Variants in ARIH2 observed in about 807,000 individuals in gnomAD.
ARIH2 encodes the protein ariadne RBR E3 ubiquitin protein ligase 2, also known as E3 ubiquitin-protein ligase ARIH2.
ARIH2 carries 12 observed loss-of-function variants against 79.8 expected under a neutral mutation model. The ratio of observed to expected loss-of-function variants is 0.15; its 90% CI spans 0.10 to 0.24. The LOEUF (loss-of-function observed/expected upper bound fraction) is 0.24, where lower values mean the gene tolerates loss of function less well. Among genes scored for constraint, ARIH2 ranks in the 10% least tolerant of loss-of-function variants. The pLI, the probability that ARIH2 is intolerant of heterozygous loss-of-function variation, is 1.00. For missense variants in ARIH2, 301 were observed against 618.3 expected (o/e 0.49, Z 5.44); for synonymous variants, 224 against 213.9 (o/e 1.05, Z -0.41).
chr3:48,947,914 G>A (rs1348862044), intron 3 of ARIH2, among the ~76,000 whole-genome samples: 1 of 152,076 alleles, frequency 6.6e-6, no homozygotes, highest in African/African-American at 2.4e-5. Context: ...AGTTTTACAT[G>A]CCATTAAACT....
intron 2 of ARIH2, among the ~76,000 whole-genome samples, chr3:48,923,017 C>G (rs2085024766): frequency 1.3e-5 from 2 of 152,042 alleles, no homozygotes; most frequent in Non-Finnish European, 2.9e-5. Context: ...ACCATCCCGG[C>G]TAAAACGGTG....
intron 14 of ARIH2, among the ~76,000 whole-genome samples, 189 bp downstream of exon 14, chr3:48,981,917 T>C (rs2092765195): frequency 1.3e-5 from 2 of 152,178 alleles, no homozygotes; most frequent in Admixed American, 1.3e-4. Context: ...TATTATTTTG[T>C]GTCATATAAG....
chr3:48,951,986 T>C (rs559883617), intron 3 of ARIH2, among the ~76,000 whole-genome samples: 1 of 152,294 alleles, frequency 6.6e-6, no homozygotes, highest in East Asian at 1.9e-4. Context: ...CTTTTTTAGC[T>C]GTAATACACG....
intron 1 of ARIH2, 146 bp downstream of exon 1, chr3:48,919,144 G>C: frequency 1.5e-6 from 2 of 1,304,152 alleles, no homozygotes; most frequent in Non-Finnish European, 1.9e-6. Context: ...CACGTTGTCC[G>C]AGCATTACCC....
At position 48,927,339 on chromosome 3, in the gene ARIH2, C is replaced by A. The variant is rs6787804; in HGVS notation, c.-97-123C>A. 2,349 of 531,224 alleles carry A rather than the reference C, an allele frequency of 4.4e-3. 39 individuals are homozygous for A. Among genetic ancestry groups the A allele is most frequent in the African/African-American group, 0.039 (2,060 of 52,656 alleles). The allele number at this position is 531,224 out of a possible 1,614,324, so 32.9% of individuals were successfully genotyped here. On this transcript the variant is annotated intron_variant, in intron 2 of 15. Transcript: ENST00000356401. ...TGATAGTAAGATTCCCCATGTGATA[C>A]CAGAGTTGGAATAGGCTGTAGTGAG...
At chr3:48,966,050 A>T (rs1373631337) in intron 5 of ARIH2, among the ~76,000 whole-genome samples, 1 of 152,174 alleles carries the variant, frequency 6.6e-6, no homozygotes, top group Non-Finnish European at 1.5e-5. Flanking sequence ...ATAAACTTTT[A>T]CATGTGTGTT....
intron 3 of ARIH2, among the ~76,000 whole-genome samples, chr3:48,933,422 C>G (rs1474217078): frequency 6.6e-6 from 1 of 151,964 alleles, no homozygotes; most frequent in Non-Finnish European, 1.5e-5. Context: ...TTCAGCCTCC[C>G]AAAGTGCTGG....
chr3:48,953,092 G>T (rs2090153488), intron 3 of ARIH2, among the ~76,000 whole-genome samples: 1 of 151,998 alleles, frequency 6.6e-6, no homozygotes, highest in Admixed American at 6.6e-5. Flanking sequence ...ACTATGCCCG[G>T]CTAATTTTTA....
chr3:48,956,915 C>T (rs1445949077), intron 3 of ARIH2, among the ~76,000 whole-genome samples: 1 of 151,998 alleles, frequency 6.6e-6, no homozygotes, highest in African/African-American at 2.4e-5. Context: ...CCATGTTGGC[C>T]ACAACTTAGC....
chr3:48,948,369 A>G (rs2089497455), intron 3 of ARIH2, among the ~76,000 whole-genome samples: 1 of 151,304 alleles, frequency 6.6e-6, no homozygotes, highest in Non-Finnish European at 1.5e-5. Context: ...CCCAGGTTCA[A>G]GCGATTCTCC....
chr3:48,925,877 G>A (rs1200392104), intron 2 of ARIH2, among the ~76,000 whole-genome samples: 8 of 151,720 alleles, frequency 5.3e-5, no homozygotes, highest in African/African-American at 1.5e-4. Flanking sequence ...GCACCACCAC[G>A]TATAGCTAAT....
At chr3:48,929,996 A>G (rs528651056) in intron 3 of ARIH2, among the ~76,000 whole-genome samples, 2 of 152,256 alleles carry the variant, frequency 1.3e-5, no homozygotes, top group Admixed American at 1.3e-4. Context: ...AGGGTTAAAG[A>G]GAAAATGGAG....
intron 7 of ARIH2, 36 bp downstream of exon 7, chr3:48,968,691 G>A (rs1027358141): frequency 5.0e-6 from 8 of 1,591,634 alleles, no homozygotes; most frequent in South Asian, 2.2e-5. Flanking sequence ...CTGTCTTCCC[G>A]GGCCTACCTT....
At chr3:48,957,280 G>C (rs1189133075) in intron 3 of ARIH2, among the ~76,000 whole-genome samples, 2 of 152,216 alleles carry the variant, frequency 1.3e-5, no homozygotes, top group African/African-American at 4.8e-5. Context: ...GTGGCTGTTG[G>C]TGCTGTTGAA....
chr3:48,954,471 TCTCA>T (rs1168359827), intron 3 of ARIH2, among the ~76,000 whole-genome samples: 2 of 151,934 alleles, frequency 1.3e-5, no homozygotes, highest in Non-Finnish European at 2.9e-5. Context: ...ACGTATAGGA[TCTCA>T]CTATTTGCCC....
chr3:48,978,768 C>T (rs2092646914), intron 11 of ARIH2, among the ~76,000 whole-genome samples: 1 of 151,422 alleles, frequency 6.6e-6, no homozygotes, highest in Admixed American at 6.6e-5. Context: ...TCGAGACCAG[C>T]CTGGCCAACA....
chr3:48,971,175 C>T (rs942125182), intron 8 of ARIH2, among the ~76,000 whole-genome samples: 1 of 152,182 alleles, frequency 6.6e-6, no homozygotes, highest in African/African-American at 2.4e-5. Context: ...GAAGGCTTAC[C>T]AGGTGACAGG....
intron 3 of ARIH2, among the ~76,000 whole-genome samples, chr3:48,954,361 C>T (rs936403282): frequency 4.6e-5 from 7 of 151,378 alleles, no homozygotes; most frequent in Admixed American, 6.6e-5. Context: ...GGCGTGAACC[C>T]GGGAGGCAGA....
At chr3:48,927,935 G>C in intron 3 of ARIH2, 122 bp downstream of exon 3, 1 of 1,186,114 alleles carries the variant, frequency 8.4e-7, no homozygotes, top group Non-Finnish European at 1.2e-6. Context: ...AAATTTAAGT[G>C]TATGTCAACA....
Sources: allele counts gnomAD v4.1 joint callset (sites outside exome capture counted in the v4.1 genomes callset), GRCh38; gene constraint gnomAD v4.1.1; transcripts MANE v1.5; gene names NCBI Gene and HGNC (gene_info 2026-07-23, HGNC 2026-07-21).